The following AQP7 variants were observed in gnomAD, a reference collection of about 807,000 sequenced individuals.
The protein encoded by AQP7 is aquaporin-7.
Under a neutral mutation model 26.1 loss-of-function variants are expected in AQP7, and 22 were observed. That is an observed-to-expected ratio of 0.84 (90% CI 0.60 to 1.20). AQP7 has a LOEUF of 1.20. AQP7 is among the 50% of genes most tolerant of loss of function. The probability of loss-of-function intolerance (pLI) is 0.00; values close to 1 mark genes in which losing one functional copy is unlikely to be tolerated. For synonymous variants in AQP7, 167 were observed against 181.7 expected, an observed-to-expected ratio of 0.92 and a Z score of 0.65; for missense variants, 412 against 457.5, an observed-to-expected ratio of 0.90 and a Z score of 0.91.
At chr9:33,389,578 A>C (rs1825188590) in intron 3 of AQP7, among the ~76,000 whole-genome samples, 1 of 152,190 alleles carries the variant, frequency 6.6e-6, no homozygotes, top group African/African-American at 2.4e-5. Context: ...TACCTTTTTA[A>C]TGTGGATACT....
intron 2 of AQP7, among the ~76,000 whole-genome samples, chr9:33,396,764 G>T (rs1156504813): frequency 1.3e-5 from 2 of 149,514 alleles, no homozygotes; most frequent in Admixed American, 1.3e-4. Context: ...GCCCCACGGT[G>T]CCCACTCTTT....
Position 33,384,674 on chromosome 9 carries a change from C to A in AQP7, c.*331G>T. On this transcript the variant is annotated 3_prime_UTR_variant, in exon 8 of 8. Coordinates refer to ENST00000297988, the MANE Select transcript of AQP7 (RefSeq NM_001170.3). ...TCAAAGTATTTCCAAAGCCGGCCCC[C>A]AACCAGTCAGCTACGGTCTGTTCCC... The A allele has an allele frequency of 4.4e-6, 1 of 227,402 alleles. No individual in the cohort carries two copies. The highest frequency in any genetic ancestry group is 5.3e-5 in the Admixed American group (1 of 18,818). 14.1% of individuals were successfully genotyped at this position (227,402 alleles called of 1,614,324 possible).
At chr9:33,388,997 T>C (rs1353281327) in intron 3 of AQP7, among the ~76,000 whole-genome samples, 2 of 150,756 alleles carry the variant, frequency 1.3e-5, no homozygotes, top group Non-Finnish European at 2.9e-5. Context: ...GTTGGGACTA[T>C]GGGCATGTGC....
At chr9:33,396,641 C>T (rs3866999) in intron 2 of AQP7, among the ~76,000 whole-genome samples, 1 of 144,816 alleles carries the variant, frequency 6.9e-6, no homozygotes, top group East Asian at 2.0e-4. Context: ...CAGAATGGTC[C>T]CCTGCCTCCC....
chr9:33,390,409 G>A (rs1450154927), intron 3 of AQP7, among the ~76,000 whole-genome samples: 1 of 151,830 alleles, frequency 6.6e-6, no homozygotes, highest in African/African-American at 2.4e-5. Flanking sequence ...AAGAGGGTGA[G>A]CTGAACACAG....
intron 3 of AQP7, among the ~76,000 whole-genome samples, chr9:33,391,862 T>C (rs1825440470): frequency 6.6e-6 from 1 of 152,194 alleles, no homozygotes; most frequent in Non-Finnish European, 1.5e-5. Flanking sequence ...AGAATTTTTC[T>C]CCCACTCTAT....
At chr9:33,398,664 C>T (rs1400200585) in intron 2 of AQP7, among the ~76,000 whole-genome samples, 1 of 152,176 alleles carries the variant, frequency 6.6e-6, no homozygotes, top group Non-Finnish European at 1.5e-5. Context: ...CAAGGAGGCC[C>T]TTTCTGGGCA....
In AQP7 at chr9:33,384,599, A is replaced by C. The variant is rs2380972; in HGVS notation, c.*406T>G. On this transcript the variant is annotated 3_prime_UTR_variant, in exon 8 of 8. Transcript: ENST00000297988. ...CTGGTCCAAGAACCGGCCAGAACTC[A>C]GGGAAGGGAAGAACCAGGGGAGAGT... 6.2e-6 allele frequency: 1 copy of C among 161,250 alleles called. No homozygotes were observed. The highest frequency in any genetic ancestry group is 1.3e-5 in the Non-Finnish European group (1 of 74,444). The allele number at this position is 161,250 out of a possible 1,614,324, so 10.0% of individuals were successfully genotyped here. A position where few individuals can be genotyped will look rare whatever the true frequency, so the allele number is the denominator to read the frequency against.
intron 3 of AQP7, 47 bp downstream of exon 3, chr9:33,395,031 A>G: frequency 6.5e-7 from 1 of 1,535,534 alleles, no homozygotes. Flanking sequence ...GGGGTCATGG[A>G]CGGCCCTGGC....
chr9:33,394,350 A>C (rs1188991946), intron 3 of AQP7: 2 of 151,930 alleles, frequency 1.3e-5, no homozygotes, highest in South Asian at 2.1e-4. Flanking sequence ...TATGCTCCAC[A>C]CTGCACCCAA....
chr9:33,402,014 G>A (rs564960469), intron 1 of AQP7: 3 of 152,580 alleles, frequency 2.0e-5, no homozygotes, highest in Non-Finnish European at 2.9e-5. Context: ...CTGCCTGCAC[G>A]CCTCCCGCTG....
intron 3 of AQP7, among the ~76,000 whole-genome samples, chr9:33,387,921 C>T (rs1241084886): frequency 3.3e-5 from 5 of 152,178 alleles, no homozygotes; most frequent in Admixed American, 1.3e-4. Context: ...TTGCCTCCTC[C>T]CTGCTTCAGT....
intron 2 of AQP7, among the ~76,000 whole-genome samples, chr9:33,399,768 G>T (rs901750026): frequency 6.6e-6 from 1 of 152,144 alleles, no homozygotes; most frequent in African/African-American, 2.4e-5. Context: ...CTCAGGGAAG[G>T]CATGGGAGGT....
In AQP7 at chr9:33,385,180, A is replaced by G. The variant is rs202003063; in HGVS notation, c.854T>C (p.Leu285Pro). 5.6e-5 allele frequency: 90 copies of G among 1,611,928 alleles called. No individual in the cohort carries two copies. In the Admixed American group the frequency reaches 1.1e-3, roughly 21 times the overall value. Residue 285 changes from leucine (L) to proline (P), a missense_variant, in exon 8 of 8, where the codon CTG becomes CCG. By Grantham distance (98) the Leu-to-Pro change is moderately conservative (BLOSUM62 -3). Transcript: ENST00000297988. The stretch of plus-strand genomic sequence containing the variant: ...ATACGCCACAGAATCCTCCAATTTC[A>G]GGGGCTCCCGTGGGATGGTGGAGCC... ...FIGSTIPREPLKLEDSVAYED... is the reference protein window; with the variant it reads ...FIGSTIPREPPKLEDSVAYED...
At position 33,385,805 on chromosome 9, in the gene AQP7, G is replaced by A. The variant is rs1350436935; in HGVS notation, c.587C>T (p.Pro196Leu). Residue 196 changes from proline (P) to leucine (L), a missense_variant, in exon 7 of 8, where the codon CCA becomes CTA. Transcript: ENST00000297988. ...CAGCGCCTCTGTTCCTGGCAGTGCT[G>A]GGTTGTTCTCCTGGTCCGTGATGGC... is the stretch of plus-strand genomic sequence containing the variant. ...LFAITDQENNPALPGTEALVI... is the reference protein window; with the variant it reads ...LFAITDQENNLALPGTEALVI... 4.3e-6 allele frequency: 7 copies of A among 1,613,024 alleles called. No homozygotes were observed. The highest frequency in any genetic ancestry group is 4.2e-6 in the Non-Finnish European group (5 of 1,179,922).
rs74914808 is a variant in AQP7, at chr9:33,395,323, G to A, written c.27-128C>T. On this transcript the variant is annotated intron_variant, in intron 2 of 7. Transcript: ENST00000297988. ...CTCGCCCACACACGCCTCCTCTTGCGCAGGGCAGCTGGGACAGCTGGAATT... is the reference window on the plus strand; with the variant it reads ...CTCGCCCACACACGCCTCCTCTTGCACAGGGCAGCTGGGACAGCTGGAATT... 6.0e-4 allele frequency: 451 copies of A among 751,930 alleles called. 1 individual carries two copies. Among genetic ancestry groups the A allele is most frequent in the Middle Eastern group, 5.4e-3 (16 of 2,970 alleles). 46.6% of individuals were successfully genotyped at this position (751,930 alleles called of 1,614,324 possible). A position where few individuals can be genotyped will look rare whatever the true frequency, so the allele number is the denominator to read the frequency against.
Position 33,389,463 on chromosome 9 carries a change from C to T in AQP7, c.145-2371G>A, listed in dbSNP as rs572129630. Among the ~76,000 whole-genome samples the T allele has an allele frequency of 3.3e-4, 50 of 152,322 alleles. 1 individual carries two copies. In the South Asian group the frequency reaches 0.01, roughly 31 times the overall value. ...GTGCTGGGATTACAGGTGTGAGCCA[C>T]CATGCCTGGCCAGAATATCCTAATA... On this transcript the variant is annotated intron_variant, in intron 3 of 7. Coordinates refer to ENST00000297988, the MANE Select transcript of AQP7 (RefSeq NM_001170.3).
In AQP7 at chr9:33,385,241, C is replaced by T; in HGVS notation, c.793G>A (p.Ala265Thr). The change falls in exon 8 of 8, where the codon GCC (alanine) becomes ACC (threonine). Residue 265 changes from alanine to threonine, a missense_variant. Coordinates refer to ENST00000297988, the MANE Select transcript of AQP7 (RefSeq NM_001170.3). ...WVPVVAPLLGAYLGGIIYLVF... is the reference protein window; with the variant it reads ...WVPVVAPLLGTYLGGIIYLVF... The stretch of plus-strand genomic sequence containing the variant: ...AGGTAGATGATGCCACCTAGATAGG[C>T]ACCCAGAAGTGGTGCCACCACTGGC... 1.9e-6 allele frequency: 3 copies of T among 1,611,832 alleles called. No individual in the cohort carries two copies. The highest frequency in any genetic ancestry group is 2.5e-6 in the Non-Finnish European group (3 of 1,179,812).
At chr9:33,389,362 A>G (rs1378168965) in intron 3 of AQP7, among the ~76,000 whole-genome samples, 1 of 151,800 alleles carries the variant, frequency 6.6e-6, no homozygotes, top group Non-Finnish European at 1.5e-5. Context: ...TTGTGTAGAG[A>G]TGAGGTTTCA....
Sources: allele counts gnomAD v4.1 joint callset (sites outside exome capture counted in the v4.1 genomes callset), GRCh38; gene constraint gnomAD v4.1.1; transcripts MANE v1.5; gene names NCBI Gene and HGNC (gene_info 2026-07-23, HGNC 2026-07-21).